KCNT1: variants seen among roughly 807,000 people sequenced by gnomAD.
KCNT1 encodes the protein potassium sodium-activated channel subfamily T member 1.
KCNT1 carries 78 observed loss-of-function variants against 147.8 expected under a neutral mutation model. The ratio of observed to expected loss-of-function variants is 0.53; its 90% confidence interval spans 0.44 to 0.64. The LOEUF (loss-of-function observed/expected upper bound fraction) is 0.64. KCNT1 is among the 30% of genes least tolerant of loss of function. The pLI, the probability that KCNT1 is intolerant of heterozygous loss-of-function variation, is 0.00. For synonymous variants in KCNT1, 867 were observed against 748.8 expected, an observed-to-expected ratio of 1.16 and a Z score of -2.58; for missense variants, 1,419 against 1,750.3, an observed-to-expected ratio of 0.81 and a Z score of 3.38.
intron 13 of KCNT1, among the ~76,000 whole-genome samples, chr9:135,766,959 C>A (rs1483465600): frequency 6.6e-6 from 1 of 152,140 alleles, no homozygotes; most frequent in East Asian, 1.9e-4. Flanking sequence ...GGTAGAGTTC[C>A]TTTTAAAGAC....
At chr9:135,711,023 C>T (rs1588250394) in intron 1 of KCNT1, among the ~76,000 whole-genome samples, 1 of 152,180 alleles carries the variant, frequency 6.6e-6, no homozygotes, top group African/African-American at 2.4e-5. Flanking sequence ...CTGGGTTGGC[C>T]GCCATACTAG....
intron 25 of KCNT1, 121 bp downstream of exon 25, chr9:135,784,246 T>A: frequency 2.4e-6 from 2 of 817,584 alleles, no homozygotes; most frequent in Non-Finnish European, 4.0e-6. Context: ...CTTCCCTGGA[T>A]TCCAAGGAGA....
intron 29 of KCNT1, chr9:135,790,281 CGT>C (rs1038005117): frequency 1.3e-5 from 2 of 152,222 alleles, no homozygotes; most frequent in Non-Finnish European, 2.9e-5. Context: ...ACCCCAGAAG[CGT>C]GTGTGGGCAC....
intron 9 of KCNT1, 122 bp downstream of exon 9, chr9:135,757,503 C>T (rs1246900959): frequency 8.3e-6 from 7 of 846,606 alleles, no homozygotes; most frequent in Admixed American, 2.1e-5. Flanking sequence ...TGTAGAGGAC[C>T]GGGAAGCCAG....
intron 1 of KCNT1, among the ~76,000 whole-genome samples, chr9:135,709,380 CAT>C (rs1270320167): frequency 2.0e-5 from 3 of 152,312 alleles, no homozygotes; most frequent in East Asian, 1.9e-4. Flanking sequence ...CACCTTCACA[CAT>C]GAGGCCGTGA....
chr9:135,784,812 C>T lies in KCNT1; in HGVS notation c.3079C>T (p.Gln1027Ter). The T allele has an allele frequency of 1.2e-6, 2 of 1,612,868 alleles. No individual in the cohort carries two copies. Among genetic ancestry groups the T allele is most frequent in the Non-Finnish European group, 8.5e-7 (1 of 1,179,982 alleles). ...LWIRTYGRLF[Q>*]KLCSSSAEIP... ...GATCCGCACGTACGGCCGCCTCTTC[C>T]AGAAGCTCTGCTCCTCCAGCGCCGA... The change falls in exon 27 of 31, where the codon CAG becomes TAG. Residue 1027 changes from glutamine (Q) to a stop codon, truncating the protein, a stop_gained. Transcript: ENST00000371757. LOFTEE classifies it high-confidence loss of function.
chr9:135,714,069 C>T lies in KCNT1; in HGVS notation c.111-508C>T, dbSNP rs140955972. ...CCTCCTGGTCACTCCACCCTCACCCCTCAACAGCCTGAGGGTCTGAGACGG... is the reference window on the plus strand; with the variant it reads ...CCTCCTGGTCACTCCACCCTCACCCTTCAACAGCCTGAGGGTCTGAGACGG... On this transcript the variant is annotated intron_variant, in intron 1 of 30. Transcript: ENST00000371757. The surrounding 1 kb of genome is among the most constrained non-coding windows in gnomAD (Gnocchi z 6.2). Among the ~76,000 whole-genome samples the T allele has an allele frequency of 5.2e-3, 789 of 152,244 alleles. 5 individuals carry two copies. The highest frequency in any genetic ancestry group is 0.034 in the Middle Eastern group (10 of 294).
rs764141661 is a variant in KCNT1, at chr9:135,770,911, G to A, written c.1824G>A (p.Leu608=). The A allele has an allele frequency of 1.2e-6, 2 of 1,608,500 alleles. No individual in the cohort carries two copies. The highest frequency in any genetic ancestry group is 2.2e-5 in the East Asian group (1 of 44,666). Residue 608 remains leucine (L), a synonymous_variant, in exon 18 of 31, where the codon CTG becomes CTA. Coordinates refer to ENST00000371757, the MANE Select transcript of KCNT1 (RefSeq NM_020822.3). The part of the protein sequence containing the change: ...LKREDNKSIL[L]NPGPRHILAA... ...GGGAGGACAACAAGAGCATCCTGCT[G>A]AACCCGGGGCCCCGGCACATCCTGG...
chr9:135,765,105 G>A lies in KCNT1; in HGVS notation c.1110G>A (p.Thr370=), dbSNP rs140367649. 3.1e-5 allele frequency: 50 copies of A among 1,613,366 alleles called. No homozygotes were observed. Among genetic ancestry groups the A allele is most frequent in the Middle Eastern group, 1.6e-4 (1 of 6,080 alleles). ...GGNYSRHRAQ[T]EKHVVLCVSS... ...ACTACAGCCGCCACCGTGCGCAGAC[G>A]GAGAAGCACGTGGTCCTGTGTGTCA... The change falls in exon 12 of 31, where the codon ACG becomes ACA. Residue 370 remains threonine (T), a synonymous_variant. Coordinates refer to ENST00000371757, the MANE Select transcript of KCNT1 (RefSeq NM_020822.3).
At chr9:135,716,449 G>T (rs1160411079) in intron 2 of KCNT1, among the ~76,000 whole-genome samples, 2 of 152,310 alleles carry the variant, frequency 1.3e-5, no homozygotes, top group South Asian at 2.1e-4. Context: ...CCTGGGTGTG[G>T]TTTTTTAAAA....
At chr9:135,772,602 A>T in intron 18 of KCNT1, 113 bp from the exon 19 acceptor site, 1 of 681,868 alleles carries the variant, frequency 1.5e-6, no homozygotes, top group Non-Finnish European at 2.2e-6. Flanking sequence ...GGAGCACAGG[A>T]GCCAGGCCAT....
At position 135,786,224 on chromosome 9, in the gene KCNT1, T is replaced by A. The variant is rs781225639; in HGVS notation, c.3205T>A (p.Cys1069Ser). Residue 1069 changes from cysteine to serine, a missense_variant, in exon 29 of 31, where the codon TGT becomes AGT. Physicochemically the swap from Cys to Ser is moderately radical, Grantham distance 112. Transcript: ENST00000371757. ...QSQISVNVED[C>S]EDTREVKGPW... is the part of the protein sequence containing the mutation. ...CCAGATCTCGGTGAACGTGGAGGAC[T>A]GTGAGGACACACGGGAAGTGAAGGG... 1.9e-6 allele frequency: 3 copies of A among 1,610,952 alleles called. No homozygotes were observed. Among genetic ancestry groups the A allele is most frequent in the Non-Finnish European group, 2.5e-6 (3 of 1,179,230 alleles).
chr9:135,784,541 G>A lies in KCNT1; in HGVS notation c.2950G>A (p.Val984Met), dbSNP rs1465054757. 7 of 1,287,782 alleles carry A rather than the reference G, an allele frequency of 5.4e-6. No homozygotes were observed. The highest frequency in any genetic ancestry group is 1.2e-5 in the South Asian group (1 of 81,270). The allele number at this position is 1,287,782 out of a possible 1,614,324, so 79.8% of individuals were successfully genotyped here. ...MLDTLLYQSF[V>M]KDYMITITRL... Reference sequence around the variant, plus strand: ...TCCCTCCCTCCCTGGCCAGTCCTTCGTGAAGGACTACATGATCACCATCAC... The same window carrying A: ...TCCCTCCCTCCCTGGCCAGTCCTTCATGAAGGACTACATGATCACCATCAC... The change falls in exon 26 of 31, where the codon GTG becomes ATG. Residue 984 changes from valine (V) to methionine (M), a missense_variant. This residue lies in a region of KCNT1 where 247 missense variants were observed against 397.1 expected (regional missense o/e 0.62). Coordinates refer to ENST00000371757, the MANE Select transcript of KCNT1 (RefSeq NM_020822.3).
Position 135,753,920 on chromosome 9 carries a change from G to A in KCNT1, c.435-17G>A, listed in dbSNP as rs140115987. 2.1e-3 allele frequency: 3,355 copies of A among 1,613,904 alleles called. 11 individuals are homozygous for A. Among genetic ancestry groups the A allele is most frequent in the Non-Finnish European group, 2.4e-3 (2,870 of 1,179,866 alleles). On this transcript the variant is annotated splice_polypyrimidine_tract_variant and intron_variant, in intron 4 of 30. Transcript: ENST00000371757. The stretch of plus-strand genomic sequence containing the variant: ...CTAGAGGGGCCAGGGCCGGGCCAGC[G>A]CTGTGTCTCTCCACAGCTGGGGCTG...
rs917432506 is a variant in KCNT1 at position 135,736,585 on chromosome 9, C to CCCCGCTG, written c.255-13507_255-13501dup. ...CTGAGATGGTTCCGCCCGGCGCCGC[C>CCCCGCTG]CCCGCTGCCCGCCGCCCGCCGCCCG... On this transcript the variant is annotated intron_variant, in intron 2 of 30. Coordinates refer to ENST00000371757, the MANE Select transcript of KCNT1 (RefSeq NM_020822.3). 5 of 149,272 alleles carry CCCCGCTG rather than the reference C, an allele frequency of 3.3e-5. No homozygotes were observed. The East Asian group carries it at 7.8e-4, about 23-fold the overall frequency. 9.2% of individuals were successfully genotyped at this position (149,272 alleles called of 1,614,324 possible).
chr9:135,780,932 G>A (rs1174536711), intron 24 of KCNT1, among the ~76,000 whole-genome samples: 2 of 152,200 alleles, frequency 1.3e-5, no homozygotes, highest in Admixed American at 6.5e-5. Flanking sequence ...CGGCTCCTCC[G>A]GCCTCAGCCT....
intron 13 of KCNT1, among the ~76,000 whole-genome samples, chr9:135,767,016 C>T (rs1166907492): frequency 1.3e-5 from 2 of 152,162 alleles, no homozygotes; most frequent in Non-Finnish European, 2.9e-5. Flanking sequence ...TTACCTGGAA[C>T]TTTCCAGAAT....
intron 29 of KCNT1, chr9:135,789,607 G>T (rs186282864): frequency 6.6e-6 from 1 of 152,292 alleles, no homozygotes; most frequent in South Asian, 2.1e-4. Context: ...CTGGCCTGGC[G>T]TGGGGGATTC....
chr9:135,786,536 C>A lies in KCNT1; in HGVS notation c.3502+15C>A. 1.3e-6 allele frequency: 2 copies of A among 1,570,416 alleles called. No individual in the cohort carries two copies. Among genetic ancestry groups the A allele is most frequent in the Non-Finnish European group, 1.7e-6 (2 of 1,162,948 alleles). On this transcript the variant is annotated intron_variant, in intron 29 of 30. Transcript: ENST00000371757. Reference sequence around the variant, plus strand: ...CACCGGCTACGGTAAGGGCACACGGCGCGGGTGGGGGCCGGACGGACGGAC... The same window carrying A: ...CACCGGCTACGGTAAGGGCACACGGAGCGGGTGGGGGCCGGACGGACGGAC...
Sources: allele counts gnomAD v4.1 joint callset (sites outside exome capture counted in the v4.1 genomes callset), GRCh38; gene constraint gnomAD v4.1.1; regional missense constraint gnomAD v4.1.1; non-coding constraint Gnocchi (gnomAD v3.1); transcripts MANE v1.5; gene names NCBI Gene and HGNC (gene_info 2026-07-23, HGNC 2026-07-21).